CRPPA: variants seen among roughly 807,000 people sequenced by gnomAD.
CRPPA encodes CDP-L-ribitol pyrophosphorylase A, also known as D-ribitol-5-phosphate cytidylyltransferase.
A neutral mutation model predicts 52.0 loss-of-function variants in CRPPA; 43 were observed. The observed-to-expected ratio is 0.83, with a 90% CI of 0.65 to 1.07. The LOEUF (loss-of-function observed/expected upper bound fraction) is 1.07. Ranked by LOEUF, CRPPA falls within the 50% of genes least tolerant of loss-of-function variation. The pLI, the probability that CRPPA is intolerant of heterozygous loss-of-function variation, is 0.00. For missense variants in CRPPA, 629 were observed against 551.7 expected (o/e 1.14, Z -1.40); for synonymous variants, 250 against 203.5 (o/e 1.23, Z -1.94).
intron 9 of CRPPA, among the ~76,000 whole-genome samples, chr7:16,202,462 GT>G (rs1160028916): frequency 6.6e-6 from 1 of 152,122 alleles, no homozygotes; most frequent in Non-Finnish European, 1.5e-5. Context: ...TCACTCAGCA[GT>G]CACTGAGGGC....
chr7:16,137,681 C>A (rs988692314), intron 9 of CRPPA, among the ~76,000 whole-genome samples: 2 of 152,108 alleles, frequency 1.3e-5, no homozygotes, highest in Non-Finnish European at 2.9e-5. Flanking sequence ...TTTAACTTTT[C>A]TTTCAATTAG....
chr7:16,187,667 G>T (rs937827968), intron 9 of CRPPA, among the ~76,000 whole-genome samples: 1 of 152,178 alleles, frequency 6.6e-6, no homozygotes, highest in Non-Finnish European at 1.5e-5. Context: ...AACATCGAAG[G>T]CTTCATGTGA....
At chr7:16,238,023 A>G (rs1173052891) in intron 8 of CRPPA, among the ~76,000 whole-genome samples, 1 of 152,232 alleles carries the variant, frequency 6.6e-6, no homozygotes, top group East Asian at 1.9e-4. Context: ...GATGGTAGAT[A>G]GAAGGGAAAG....
At chr7:16,263,230 C>T (rs1004352265) in intron 6 of CRPPA, among the ~76,000 whole-genome samples, 7 of 152,078 alleles carry the variant, frequency 4.6e-5, no homozygotes, top group Non-Finnish European at 1.0e-4. Context: ...CATTAAAGCC[C>T]TTCATAGTCT....
intron 5 of CRPPA, among the ~76,000 whole-genome samples, chr7:16,286,072 TATA>T (rs1784435668): frequency 3.4e-4 from 7 of 20,596 alleles, no homozygotes; most frequent in South Asian, 8.5e-4. Flanking sequence ...TATATATATA[TATA>T]TATATAATAT....
At chr7:16,357,568 G>C (rs1021785182) in intron 3 of CRPPA, among the ~76,000 whole-genome samples, 2 of 152,012 alleles carry the variant, frequency 1.3e-5, no homozygotes, top group Non-Finnish European at 2.9e-5. Context: ...CCGCTACCTT[G>C]GCAGCTGCAA....
At chr7:16,412,030 A>T (rs147887948) in intron 1 of CRPPA, among the ~76,000 whole-genome samples, 2,193 of 152,336 alleles carry the variant, frequency 0.014, 70 homozygotes, top group African/African-American at 0.05. Context: ...TCAAGTATCT[A>T]TTCAATGAAT....
At chr7:16,172,672 C>G (rs556126722) in intron 9 of CRPPA, among the ~76,000 whole-genome samples, 7 of 152,284 alleles carry the variant, frequency 4.6e-5, no homozygotes, top group African/African-American at 1.7e-4. Flanking sequence ...ACTCTCTCTC[C>G]TATGTGATCC....
chr7:16,346,716 G>A (rs1241245326), intron 3 of CRPPA, among the ~76,000 whole-genome samples: 1 of 151,962 alleles, frequency 6.6e-6, no homozygotes. Context: ...TTTGTCACAA[G>A]GCTTACTTGG....
intron 9 of CRPPA, among the ~76,000 whole-genome samples, chr7:16,164,995 A>G (rs1156885312): frequency 6.6e-6 from 1 of 151,982 alleles, no homozygotes; most frequent in African/African-American, 2.4e-5. Flanking sequence ...CCACTTGAGG[A>G]GGCAGTCTGT....
intron 2 of CRPPA, among the ~76,000 whole-genome samples, chr7:16,405,502 C>T (rs1220061040): frequency 6.6e-6 from 1 of 151,906 alleles, no homozygotes; most frequent in Admixed American, 6.6e-5. Context: ...GTATCTATTA[C>T]CATATTTATA....
At chr7:16,280,863 T>C (rs1784306583) in intron 5 of CRPPA, among the ~76,000 whole-genome samples, 1 of 151,932 alleles carries the variant, frequency 6.6e-6, no homozygotes, top group Admixed American at 6.6e-5. Flanking sequence ...CTATTAAAAA[T>C]ACAAAAATTA....
chr7:16,280,352 C>T (rs1215203837), intron 5 of CRPPA, among the ~76,000 whole-genome samples: 1 of 152,194 alleles, frequency 6.6e-6, no homozygotes, highest in Non-Finnish European at 1.5e-5. Flanking sequence ...TTAACCCAAA[C>T]TTATACATCA....
chr7:16,324,279 G>C (rs1785328214), intron 3 of CRPPA, among the ~76,000 whole-genome samples: 2 of 152,152 alleles, frequency 1.3e-5, no homozygotes, highest in Non-Finnish European at 2.9e-5. Context: ...GACAGCTGCA[G>C]ACTGGTGAGC....
intron 9 of CRPPA, among the ~76,000 whole-genome samples, chr7:16,197,901 A>C (rs1781772817): frequency 6.7e-6 from 1 of 149,586 alleles, no homozygotes; most frequent in African/African-American, 2.5e-5. Context: ...CTCAGAGTTA[A>C]ATGGATTAAG....
chr7:16,249,793 G>C (rs1484105283), intron 8 of CRPPA, among the ~76,000 whole-genome samples: 2 of 152,178 alleles, frequency 1.3e-5, no homozygotes, highest in Non-Finnish European at 2.9e-5. Flanking sequence ...CAGAAAGGCT[G>C]AAAAGTCCAA....
intron 9 of CRPPA, among the ~76,000 whole-genome samples, chr7:16,191,478 G>T (rs901547798): frequency 6.6e-6 from 1 of 152,096 alleles, no homozygotes; most frequent in Non-Finnish European, 1.5e-5. Context: ...TGTGGCTCAT[G>T]GTGTAGGAAG....
At chr7:16,386,015 T>G (rs566448888) in intron 2 of CRPPA, among the ~76,000 whole-genome samples, 19 of 152,344 alleles carry the variant, frequency 1.2e-4, no homozygotes, top group Admixed American at 1.1e-3. Flanking sequence ...AGCTTAAATG[T>G]TAACCAGCTC....
At chr7:16,289,798 C>T (rs1178603902) in intron 5 of CRPPA, among the ~76,000 whole-genome samples, 1 of 152,074 alleles carries the variant, frequency 6.6e-6, no homozygotes, top group Non-Finnish European at 1.5e-5. Context: ...CTACTCCTAT[C>T]CACCACAGTA....
Sources: gnomAD v4.1 joint callset for allele counts (sites outside exome capture counted in the v4.1 genomes callset) on GRCh38, gnomAD v4.1.1 for gene constraint, MANE v1.5 for transcripts, NCBI Gene and HGNC (gene_info 2026-07-23, HGNC 2026-07-21) for gene names.